The following GTF2A1 variants were observed in gnomAD, a reference collection of about 807,000 sequenced individuals.
GTF2A1 encodes general transcription factor IIA subunit 1.
GTF2A1 carries 12 observed loss-of-function variants against 54.1 expected under a neutral mutation model. The observed-to-expected ratio is 0.22, with a 90% CI of 0.14 to 0.36. GTF2A1 has a LOEUF of 0.36. Ranked by LOEUF, GTF2A1 falls within the 10% of genes least tolerant of loss-of-function variation. GTF2A1 has a pLI of 1.00. For missense variants in GTF2A1, 335 were observed against 442.2 expected (o/e 0.76, Z 2.17); for synonymous variants, 145 against 152.0 (o/e 0.95, Z 0.34).
At chr14:81,215,905 T>C (rs1357563891) in intron 2 of GTF2A1, among the ~76,000 whole-genome samples, 2 of 152,178 alleles carry the variant, frequency 1.3e-5, no homozygotes, top group Admixed American at 6.5e-5. Flanking sequence ...CATGCTGGCA[T>C]GTGCCTGTAG....
At chr14:81,207,056 T>A (rs1265886960) in intron 2 of GTF2A1, among the ~76,000 whole-genome samples, 2 of 152,216 alleles carry the variant, frequency 1.3e-5, no homozygotes, top group African/African-American at 2.4e-5. Flanking sequence ...CGAATTTTTT[T>A]AAATTTATAA....
intron 2 of GTF2A1, among the ~76,000 whole-genome samples, chr14:81,208,633 T>C (rs1325408788): frequency 6.6e-6 from 1 of 152,140 alleles, no homozygotes; most frequent in Non-Finnish European, 1.5e-5. Context: ...CCGCACTCAA[T>C]GCCAGTGAGT....
intron 2 of GTF2A1, among the ~76,000 whole-genome samples, chr14:81,214,739 T>G (rs1454211451): frequency 6.6e-6 from 1 of 150,848 alleles, no homozygotes; most frequent in Non-Finnish European, 1.5e-5. Context: ...TATAACAAAT[T>G]TTTAATTTTC....
chr14:81,204,238 T>A, intron 2 of GTF2A1, 134 bp from the exon 3 acceptor site: 2 of 791,046 alleles, frequency 2.5e-6, no homozygotes, highest in Non-Finnish European at 2.2e-6. Context: ...AACAAATCTG[T>A]AATTCTAACC....
chr14:81,198,624 T>G (rs1336095320), intron 4 of GTF2A1, among the ~76,000 whole-genome samples: 1 of 152,228 alleles, frequency 6.6e-6, no homozygotes, highest in East Asian at 1.9e-4. Context: ...TTCTGCACTT[T>G]AAGTATTTTC....
chr14:81,203,057 C>T (rs1301059954), intron 3 of GTF2A1, among the ~76,000 whole-genome samples: 1 of 152,132 alleles, frequency 6.6e-6, no homozygotes, highest in South Asian at 2.1e-4. Flanking sequence ...CCCATAAAAG[C>T]AGATGCACTG....
chr14:81,187,890 G>T (rs1229686459), intron 7 of GTF2A1, among the ~76,000 whole-genome samples: 2 of 151,824 alleles, frequency 1.3e-5, no homozygotes, highest in African/African-American at 2.4e-5. Flanking sequence ...CTGAATTTTT[G>T]AGGACTATCA....
intron 6 of GTF2A1, among the ~76,000 whole-genome samples, chr14:81,195,809 C>T (rs1838499387): frequency 6.6e-6 from 1 of 151,948 alleles, no homozygotes; most frequent in Admixed American, 6.6e-5. Context: ...TGTGAATACC[C>T]CGAGACTCAG....
chr14:81,189,588 G>A (rs577062253), intron 7 of GTF2A1, among the ~76,000 whole-genome samples: 21 of 152,068 alleles, frequency 1.4e-4, no homozygotes, highest in East Asian at 1.2e-3. Context: ...GGAGAATGGC[G>A]TAAACCCGGG....
intron 4 of GTF2A1, among the ~76,000 whole-genome samples, chr14:81,198,507 T>C (rs1298575316): frequency 6.6e-6 from 1 of 152,208 alleles, no homozygotes; most frequent in Non-Finnish European, 1.5e-5. Flanking sequence ...GGGATTATAT[T>C]ATGAATTTCT....
rs181736739 is a variant in GTF2A1, at chr14:81,185,505, C to G, written c.1023+26G>C. On this transcript the variant is annotated intron_variant, in intron 8 of 8. Transcript: ENST00000553612. ...GAAGAAATTACAACACAAATAACGTCAGTAATCTGAAGATGACATCCTTAC... is the reference window on the plus strand; with the variant it reads ...GAAGAAATTACAACACAAATAACGTGAGTAATCTGAAGATGACATCCTTAC... 6.7e-6 allele frequency: 8 copies of G among 1,187,990 alleles called. No individual in the cohort carries two copies. In the South Asian group the frequency reaches 8.6e-5, roughly 13 times the overall value. The allele number at this position is 1,187,990 out of a possible 1,614,324, so 73.6% of individuals were successfully genotyped here. A position where few individuals can be genotyped will look rare whatever the true frequency, so the allele number is the denominator to read the frequency against.
chr14:81,181,785 C>T (rs564794215), intron 8 of GTF2A1, among the ~76,000 whole-genome samples: 2 of 152,006 alleles, frequency 1.3e-5, no homozygotes, highest in Non-Finnish European at 2.9e-5. Flanking sequence ...TCAGGTGATC[C>T]CCCACCTCGG....
chr14:81,208,809 C>T (rs189478782), intron 2 of GTF2A1, among the ~76,000 whole-genome samples: 1 of 152,292 alleles, frequency 6.6e-6, no homozygotes, highest in East Asian at 1.9e-4. Context: ...CGTAAGACTG[C>T]CCCACTGGAT....
At chr14:81,187,646 G>C (rs1892779329) in intron 7 of GTF2A1, among the ~76,000 whole-genome samples, 1 of 152,170 alleles carries the variant, frequency 6.6e-6, no homozygotes, top group Non-Finnish European at 1.5e-5. Context: ...CTTTCACATA[G>C]CATGTTTTCA....
At chr14:81,213,659 A>G (rs1893422834) in intron 2 of GTF2A1, among the ~76,000 whole-genome samples, 1 of 152,200 alleles carries the variant, frequency 6.6e-6, no homozygotes, top group Admixed American at 6.5e-5. Context: ...ATGCTACTTG[A>G]ACAATTTATA....
intron 1 of GTF2A1, 98 bp downstream of exon 1, chr14:81,220,391 G>A (rs892183227): frequency 1.3e-6 from 1 of 751,018 alleles, no homozygotes; most frequent in South Asian, 2.5e-5. Context: ...CGGCTGAAGA[G>A]TCGAGGCCGG....
intron 7 of GTF2A1, among the ~76,000 whole-genome samples, chr14:81,187,058 GA>G (rs1892765226): frequency 1.3e-5 from 2 of 151,938 alleles, no homozygotes; most frequent in Non-Finnish European, 2.9e-5. Flanking sequence ...AATGTAAAAT[GA>G]AAAAAATTTT....
intron 2 of GTF2A1, among the ~76,000 whole-genome samples, chr14:81,205,258 G>T (rs1479787966): frequency 2.6e-5 from 4 of 152,040 alleles, no homozygotes; most frequent in Admixed American, 2.0e-4. Context: ...ACCATGCCTG[G>T]TCATACTCAC....
chr14:81,216,011 C>A (rs1196443050), intron 2 of GTF2A1, among the ~76,000 whole-genome samples: 1 of 152,156 alleles, frequency 6.6e-6, no homozygotes, highest in Non-Finnish European at 1.5e-5. Flanking sequence ...CAGAGCCCGA[C>A]CCTGTCTCAA....
Sources: gnomAD v4.1 joint callset for allele counts (sites outside exome capture counted in the v4.1 genomes callset) on GRCh38, gnomAD v4.1.1 for gene constraint, MANE v1.5 for transcripts, NCBI Gene and HGNC (gene_info 2026-07-23, HGNC 2026-07-21) for gene names.